CPOX: variants seen among roughly 807,000 people sequenced by gnomAD.
CPOX encodes the protein oxygen-dependent coproporphyrinogen-III oxidase, mitochondrial.
A neutral mutation model predicts 48.9 loss-of-function variants in CPOX; 24 were observed. The ratio of observed to expected loss-of-function variants is 0.49; its 90% CI spans 0.36 to 0.69. CPOX has a LOEUF of 0.69. CPOX is among the 30% of genes least tolerant of loss of function. CPOX has a pLI of 0.00. For synonymous variants in CPOX, 249 were observed against 234.6 expected, an observed-to-expected ratio of 1.06 and a Z score of -0.56; for missense variants, 549 against 597.3, an observed-to-expected ratio of 0.92 and a Z score of 0.84.
At chr3:98,583,131 T>C (rs1222334372) in intron 5 of CPOX, among the ~76,000 whole-genome samples, 1 of 152,202 alleles carries the variant, frequency 6.6e-6, no homozygotes, top group Non-Finnish European at 1.5e-5. Context: ...CTTGTAAAGA[T>C]TCCTTAATGA....
At chr3:98,574,865 C>A (rs1326177328), downstream of CPOX, among the ~76,000 whole-genome samples, 2 of 152,212 alleles carry the variant, frequency 1.3e-5, no homozygotes, top group African/African-American at 4.8e-5. Context: ...AGGCATGAAC[C>A]ACCGTGCCCA....
the CPOX span, among the ~76,000 whole-genome samples, chr3:98,571,653 A>C: frequency 6.8e-6 from 1 of 146,626 alleles, no homozygotes; most frequent in Non-Finnish European, 1.5e-5. Flanking sequence ...CCGCCACTGC[A>C]CTCCAGCCTG....
chr3:98,570,956 G>C, the CPOX span, among the ~76,000 whole-genome samples: 1 of 152,168 alleles, frequency 6.6e-6, no homozygotes, highest in Non-Finnish European at 1.5e-5. Context: ...GAACCACATT[G>C]CATGTATTGT....
chr3:98,576,654 G>C (rs895785706), downstream of CPOX, among the ~76,000 whole-genome samples: 3 of 152,140 alleles, frequency 2.0e-5, no homozygotes, highest in Non-Finnish European at 2.9e-5. Context: ...GTTTCTTTGG[G>C]AAGAAAGATG....
downstream of CPOX, among the ~76,000 whole-genome samples, chr3:98,577,923 T>C (rs1269963949): frequency 2.6e-5 from 4 of 152,234 alleles, no homozygotes; most frequent in East Asian, 1.9e-4. Context: ...TTTCAAATCT[T>C]GTACTCCTTA....
At chr3:98,592,474 G>A (rs1707498807) in intron 1 of CPOX, among the ~76,000 whole-genome samples, 1 of 152,134 alleles carries the variant, frequency 6.6e-6, no homozygotes, top group Admixed American at 6.5e-5. Flanking sequence ...AAAGAAGTGG[G>A]AAGATTCTGA....
intron 5 of CPOX, among the ~76,000 whole-genome samples, chr3:98,581,745 G>A (rs1310467414): frequency 6.6e-6 from 1 of 152,184 alleles, no homozygotes; most frequent in Non-Finnish European, 1.5e-5. Flanking sequence ...ACATAGAGCA[G>A]TCACAATACA....
At chr3:98,590,962 A>AT (rs748220649) in intron 2 of CPOX, 50 bp downstream of exon 2, 1 of 1,604,586 alleles carries the variant, frequency 6.2e-7, no homozygotes, top group South Asian at 1.1e-5. Flanking sequence ...CTTGTGGGCA[A>AT]AATAAGGTTT....
Position 98,588,748 on chromosome 3 carries a change from C to G in CPOX, c.918G>C (p.Gln306His). 6.2e-7 allele frequency: 1 copy of G among 1,614,156 alleles called. No homozygotes were observed. Among genetic ancestry groups the G allele is most frequent in the East Asian group, 2.2e-5 (1 of 44,882 alleles). ...ATTTGGGGTAGAGATCTGGACCATG[C>G]TGGTCACAAGCCTCCTTCAGAGTTC... ...FHRTLKEACDQHGPDLYPKFK... is the reference protein window; with the variant it reads ...FHRTLKEACDHHGPDLYPKFK... The change falls in exon 4 of 7, where the codon CAG becomes CAC. Residue 306 changes from glutamine to histidine, a missense_variant. Physicochemically the swap from Gln to His is conservative, Grantham distance 24 (BLOSUM62 0). Around this residue, in one of 2 missense-constraint regions of CPOX, gnomAD observed 213 missense variants for 279.1 expected, o/e 0.76. Transcript: ENST00000647941.
At chr3:98,590,815 T>C (rs931017423) in intron 2 of CPOX, 73 bp from the exon 3 acceptor site, 6 of 1,249,794 alleles carry the variant, frequency 4.8e-6, no homozygotes, top group Non-Finnish European at 7.0e-6. Context: ...CACTCTAATA[T>C]GATTTCCAAG....
intron 1 of CPOX, among the ~76,000 whole-genome samples, chr3:98,592,686 C>CA (rs1174443160): frequency 6.6e-6 from 1 of 151,958 alleles, no homozygotes; most frequent in Non-Finnish European, 1.5e-5. Context: ...AAGAGTTCTA[C>CA]AAAAAAATGC....
intron 5 of CPOX, among the ~76,000 whole-genome samples, chr3:98,582,043 T>C (rs1447206234): frequency 6.6e-6 from 1 of 152,236 alleles, no homozygotes; most frequent in Non-Finnish European, 1.5e-5. Context: ...TTTCCTAAAG[T>C]AGTTAATTGC....
chr3:98,573,292 A>G, the CPOX span, among the ~76,000 whole-genome samples: 11 of 152,250 alleles, frequency 7.2e-5, no homozygotes, highest in Non-Finnish European at 1.0e-4. Context: ...AAAGTGAGAC[A>G]TGAAACACAG....
intron 5 of CPOX, among the ~76,000 whole-genome samples, chr3:98,583,233 G>C (rs1707294570): frequency 6.6e-6 from 1 of 152,074 alleles, no homozygotes; most frequent in Non-Finnish European, 1.5e-5. Context: ...ACTTAGATCT[G>C]ATTTTTCTTT....
intron 2 of CPOX, 53 bp from the exon 3 acceptor site, chr3:98,590,795 G>T: frequency 7.5e-7 from 1 of 1,334,008 alleles, no homozygotes; most frequent in Non-Finnish European, 1.1e-6. Context: ...TGAATGCCTT[G>T]ATACAATTTC....
At position 98,580,343 on chromosome 3, in the gene CPOX, T is replaced by C. The variant is rs886058945; in HGVS notation, c.*340A>G. Reference sequence around the variant, plus strand: ...ACAAATGAAAACTTTAAAAAATACATGAAACAAAAACAAGATGAGAGATTT... The same window carrying C: ...ACAAATGAAAACTTTAAAAAATACACGAAACAAAAACAAGATGAGAGATTT... On this transcript the variant is annotated 3_prime_UTR_variant, in exon 7 of 7. Transcript: ENST00000647941. The C allele has an allele frequency of 1.7e-4, 172 of 1,007,710 alleles. No individual in the cohort carries two copies. The highest frequency in any genetic ancestry group is 1.9e-4 in the Non-Finnish European group (162 of 843,024). 62.4% of individuals were successfully genotyped at this position (1,007,710 alleles called of 1,614,324 possible). A position where few individuals can be genotyped will look rare whatever the true frequency, so the allele number is the denominator to read the frequency against.
At position 98,580,784 on chromosome 3, in the gene CPOX, AAAC is replaced by A; in HGVS notation, c.1278-17_1278-15del. On this transcript the variant is annotated splice_polypyrimidine_tract_variant and intron_variant, in intron 6 of 6. Transcript: ENST00000647941. ...ATGTACTCCCATCTATGCATGTCCA[AAAC>A]AAAAGCAAAAAACGTCATAAAAAAT... 1 of 1,614,032 alleles carries A rather than the reference AAAC, an allele frequency of 6.2e-7. No homozygotes were observed. Among genetic ancestry groups the A allele is most frequent in the Non-Finnish European group, 8.5e-7 (1 of 1,179,934 alleles).
At chr3:98,584,803 G>A (rs1040831456) in intron 5 of CPOX, among the ~76,000 whole-genome samples, 2 of 152,192 alleles carry the variant, frequency 1.3e-5, no homozygotes, top group African/African-American at 4.8e-5. Flanking sequence ...GGTGGTTAAA[G>A]TGAGTATCAT....
At chr3:98,592,910 T>TC in intron 1 of CPOX, 39 bp downstream of exon 1, 1 of 1,585,468 alleles carries the variant, frequency 6.3e-7, no homozygotes, top group Non-Finnish European at 8.6e-7. Flanking sequence ...TGACCCTTTT[T>TC]CCCTGTCTCC....
Sources: allele counts gnomAD v4.1 joint callset (sites outside exome capture counted in the v4.1 genomes callset), GRCh38; gene constraint gnomAD v4.1.1; regional missense constraint gnomAD v4.1.1; transcripts MANE v1.5; gene names NCBI Gene and HGNC (gene_info 2026-07-23, HGNC 2026-07-21).